Variants in CLYBL observed in about 807,000 individuals in gnomAD.
CLYBL encodes citramalyl-CoA lyase, also known as citramalyl-CoA lyase, mitochondrial.
CLYBL carries 31 observed loss-of-function variants against 38.9 expected under a neutral mutation model. The ratio of observed to expected loss-of-function variants is 0.80; its 90% CI spans 0.60 to 1.08. The LOEUF (loss-of-function observed/expected upper bound fraction) is 1.08. CLYBL is among the 50% of genes least tolerant of loss of function. The pLI is 0.00. For synonymous variants in CLYBL, 171 were observed against 158.6 expected (o/e 1.08, Z -0.59); for missense variants, 434 against 411.6 (o/e 1.05, Z -0.47).
intron 1 of CLYBL, among the ~76,000 whole-genome samples, chr13:99,696,519 A>G (rs1196104460): frequency 1.3e-5 from 2 of 152,156 alleles, no homozygotes; most frequent in Non-Finnish European, 2.9e-5. Context: ...CGTGTCCTGT[A>G]ACAAAGATTG....
At chr13:99,901,334 A>C (rs185890060), downstream of CLYBL, among the ~76,000 whole-genome samples, 35 of 152,334 alleles carry the variant, frequency 2.3e-4, no homozygotes, top group Admixed American at 1.2e-3. Flanking sequence ...AATGTAGGAA[A>C]GAAAACAACA....
At chr13:99,824,912 A>G (rs2050664766) in intron 2 of CLYBL, among the ~76,000 whole-genome samples, 1 of 151,836 alleles carries the variant, frequency 6.6e-6, no homozygotes. Context: ...TTTTCACTTT[A>G]TGGAATAGGT....
At chr13:99,645,165 A>T (rs1397157707) in intron 1 of CLYBL, among the ~76,000 whole-genome samples, 1 of 152,056 alleles carries the variant, frequency 6.6e-6, no homozygotes, top group Non-Finnish European at 1.5e-5. Flanking sequence ...TTTTTTCCAT[A>T]TCCTCGCTAG....
intron 4 of CLYBL, 48 bp downstream of exon 4, chr13:99,863,140 C>A: frequency 1.0e-6 from 1 of 953,110 alleles, no homozygotes; most frequent in Non-Finnish European, 1.6e-6. Context: ...TATTTATCAC[C>A]TAAAGAGAAC....
intron 1 of CLYBL, among the ~76,000 whole-genome samples, chr13:99,728,635 G>T (rs1391216306): frequency 6.6e-6 from 1 of 151,922 alleles, no homozygotes; most frequent in Non-Finnish European, 1.5e-5. Flanking sequence ...AAGTGCAGTG[G>T]TGCAATCACG....
At chr13:99,641,710 G>C (rs1249897693) in intron 1 of CLYBL, among the ~76,000 whole-genome samples, 1 of 152,150 alleles carries the variant, frequency 6.6e-6, no homozygotes, top group African/African-American at 2.4e-5. Flanking sequence ...TACTTGGGAG[G>C]CTGAGGCAGG....
chr13:99,804,842 G>A (rs1396051041), intron 2 of CLYBL, among the ~76,000 whole-genome samples: 1 of 152,208 alleles, frequency 6.6e-6, no homozygotes, highest in East Asian at 1.9e-4. Flanking sequence ...TCACATTGTT[G>A]TATAATCATC....
intron 2 of CLYBL, among the ~76,000 whole-genome samples, chr13:99,841,731 G>A (rs2051083932): frequency 6.6e-6 from 1 of 151,838 alleles, no homozygotes; most frequent in Non-Finnish European, 1.5e-5. Flanking sequence ...ACGTGACAAC[G>A]TGGGAACCTT....
intron 1 of CLYBL, among the ~76,000 whole-genome samples, chr13:99,660,707 A>G (rs2047396536): frequency 6.6e-6 from 1 of 152,222 alleles, no homozygotes; most frequent in Non-Finnish European, 1.5e-5. Flanking sequence ...AAAGCTATGT[A>G]TCCCGTCTAC....
chr13:99,719,169 T>TTA (rs757565542), intron 1 of CLYBL, among the ~76,000 whole-genome samples: 3,355 of 148,104 alleles, frequency 0.023, 87 homozygotes, highest in Admixed American at 0.078. Context: ...TTTTTTTTTT[T>TTA]AAGACAGGGT....
intron 1 of CLYBL, among the ~76,000 whole-genome samples, chr13:99,630,789 GC>G (rs1189734275): frequency 6.6e-6 from 1 of 152,102 alleles, no homozygotes; most frequent in Non-Finnish European, 1.5e-5. Flanking sequence ...TATATGCCAA[GC>G]ACTGTACTTT....
intron 1 of CLYBL, chr13:99,727,171 A>C (rs1030432344): frequency 3.9e-5 from 6 of 151,948 alleles, no homozygotes; most frequent in South Asian, 2.1e-4. Context: ...AAAAAAAAAA[A>C]AACTTTGTTT....
At chr13:99,763,548 C>CTTT (rs59409196) in intron 1 of CLYBL, among the ~76,000 whole-genome samples, 27 of 116,096 alleles carry the variant, frequency 2.3e-4, no homozygotes, top group Non-Finnish European at 3.5e-4. Flanking sequence ...TCTTTTTATT[C>CTTT]TTTTTTTTTT....
intron 2 of CLYBL, among the ~76,000 whole-genome samples, chr13:99,785,545 C>T (rs191523589): frequency 1.3e-5 from 2 of 151,642 alleles, no homozygotes; most frequent in African/African-American, 4.8e-5. Flanking sequence ...GAGACAATCC[C>T]TTTTACCTGT....
chr13:99,863,093 G>T lies in CLYBL; in HGVS notation c.540+1G>T, dbSNP rs1594230304. 6.5e-7 allele frequency: 1 copy of T among 1,546,472 alleles called. No individual in the cohort carries two copies. Among genetic ancestry groups the T allele is most frequent in the East Asian group, 2.3e-5 (1 of 44,046 alleles). ...TGCAATGGGTTTGCTCAATTTTAAG[G>T]TAAGGAAGCCATAATACGGTTAATA... is the stretch of plus-strand genomic sequence containing the variant. On this transcript the variant is annotated splice_donor_variant, in intron 4 of 8. Transcript: ENST00000339105. LOFTEE classifies it high-confidence loss of function.
intron 1 of CLYBL, among the ~76,000 whole-genome samples, chr13:99,741,629 G>T (rs1594152504): frequency 6.6e-6 from 1 of 152,214 alleles, no homozygotes; most frequent in Non-Finnish European, 1.5e-5. Context: ...TCAGCTCACT[G>T]CACTCTAGTC....
chr13:99,848,477 T>G (rs1356998399), intron 2 of CLYBL, among the ~76,000 whole-genome samples: 1 of 152,146 alleles, frequency 6.6e-6, no homozygotes. Flanking sequence ...TTCAGGAAGT[T>G]TTCTCTTGGG....
In CLYBL at chr13:99,710,158, C is replaced by T. The variant is rs566209621; in HGVS notation, c.63-62666C>T. On this transcript the variant is annotated intron_variant, in intron 1 of 8. Coordinates refer to ENST00000339105, the MANE Select transcript of CLYBL (RefSeq NM_206808.5). The stretch of plus-strand genomic sequence containing the variant: ...CGATCTGCTGACCTCGTGATCTGCC[C>T]GCCTCGGCCTCCCAAAGTGCTGGGA... Among the ~76,000 whole-genome samples the T allele has an allele frequency of 3.9e-4, 60 of 152,138 alleles. 1 individual carries two copies. The highest frequency in any genetic ancestry group is 6.8e-3 in the Middle Eastern group (2 of 294).
chr13:99,606,709 T>A lies in CLYBL; in HGVS notation c.14T>A (p.Leu5Gln). The change falls in exon 1 of 9, where the codon CTG (leucine) becomes CAG (glutamine). Residue 5 changes from leucine (L) to glutamine (Q), a missense_variant. By Grantham distance (113) the Leu-to-Gln change is moderately radical. Transcript: ENST00000339105. ...CGCGTCGGGAAGATGGCGCTACGTC[T>A]GCTGCGGAGGGCGGCGCGCGGAGCT... MALR[L>Q]LRRAARGAAA... 6.7e-7 allele frequency: 1 copy of A among 1,493,828 alleles called. No homozygotes were observed. The highest frequency in any genetic ancestry group is 8.9e-7 in the Non-Finnish European group (1 of 1,128,268). The allele number at this position is 1,493,828 out of a possible 1,614,324, so 92.5% of individuals were successfully genotyped here.
Sources: gnomAD v4.1 joint callset for allele counts (sites outside exome capture counted in the v4.1 genomes callset) on GRCh38, gnomAD v4.1.1 for gene constraint, MANE v1.5 for transcripts, NCBI Gene and HGNC (gene_info 2026-07-23, HGNC 2026-07-21) for gene names.